PJA2: variants seen among roughly 807,000 people sequenced by gnomAD.
PJA2 encodes the protein E3 ubiquitin-protein ligase Praja-2.
Under a neutral mutation model 69.3 loss-of-function variants are expected in PJA2, and 25 were observed. That is an observed-to-expected ratio of 0.36 (90% CI 0.26 to 0.50). The LOEUF (loss-of-function observed/expected upper bound fraction) is 0.50. Among genes scored for constraint, PJA2 ranks in the 20% least tolerant of loss-of-function variants. PJA2 has a pLI of 0.96. For missense variants in PJA2, 809 were observed against 830.2 expected, an observed-to-expected ratio of 0.97 and a Z score of 0.31; for synonymous variants, 308 against 277.8, an observed-to-expected ratio of 1.11 and a Z score of -1.08.
Position 109,404,185 on chromosome 5 carries a change from A to G in PJA2, c.-88+5657T>C, listed in dbSNP as rs182332156. 3.3e-5 allele frequency among the ~76,000 whole-genome samples: 5 copies of G among 152,148 alleles called. No individual in the cohort carries two copies. In the East Asian group the frequency reaches 5.8e-4, roughly 18 times the overall value. ...CTTGTCTTAGTCCATTAGGACTCCTATAACAAGCTCCCATAGACTGAAGTG... is the reference window on the plus strand; with the variant it reads ...CTTGTCTTAGTCCATTAGGACTCCTGTAACAAGCTCCCATAGACTGAAGTG... On this transcript the variant is annotated intron_variant, in intron 1 of 9. Coordinates refer to ENST00000361189, the MANE Select transcript of PJA2 (RefSeq NM_014819.5).
chr5:109,375,618 A>C (rs1471229070), intron 4 of PJA2, among the ~76,000 whole-genome samples: 3 of 152,220 alleles, frequency 2.0e-5, no homozygotes, highest in Non-Finnish European at 2.9e-5. Flanking sequence ...AAACTTTTCA[A>C]GTATATCAAC....
intron 1 of PJA2, among the ~76,000 whole-genome samples, chr5:109,406,570 G>A (rs1160875922): frequency 6.6e-6 from 1 of 152,072 alleles, no homozygotes; most frequent in Non-Finnish European, 1.5e-5. Flanking sequence ...ATACACTGCT[G>A]ATGGATATGT....
chr5:109,409,889 C>G lies in PJA2; in HGVS notation c.-135G>C, dbSNP rs1582638699. 5.8e-6 allele frequency: 1 copy of G among 172,646 alleles called. No homozygotes were observed. Among genetic ancestry groups the G allele is most frequent in the African/African-American group, 2.4e-5 (1 of 41,486 alleles). The allele number at this position is 172,646 out of a possible 1,614,324, so 10.7% of individuals were successfully genotyped here. On this transcript the variant is annotated 5_prime_UTR_variant, in exon 1 of 10. Transcript: ENST00000361189. ...GCGAGAACAGCGCTCGAACCTCCAC[C>G]CGCCACCACCGCCTTCTTCTCCGCC...
chr5:109,356,044 T>A lies in PJA2; in HGVS notation c.1653-18A>T, dbSNP rs766756197. The stretch of plus-strand genomic sequence containing the variant: ...CAAATAGGCTGAAAAAAAAAAAAAA[T>A]AACAGAAAAAACTCACCACTATGAT... On this transcript the variant is annotated intron_variant, in intron 6 of 9. Coordinates refer to ENST00000361189, the MANE Select transcript of PJA2 (RefSeq NM_014819.5). 1.3e-4 allele frequency: 193 copies of A among 1,486,704 alleles called. No homozygotes were observed. Among genetic ancestry groups the A allele is most frequent in the Middle Eastern group, 3.4e-4 (2 of 5,804 alleles). The allele number at this position is 1,486,704 out of a possible 1,614,324, so 92.1% of individuals were successfully genotyped here. A position where few individuals can be genotyped will look rare whatever the true frequency, so the allele number is the denominator to read the frequency against.
Position 109,354,154 on chromosome 5 carries a change from TATG to T in PJA2, c.1764+1758_1764+1760del, listed in dbSNP as rs374687586. Among the ~76,000 whole-genome samples, 132 of 53,358 alleles carry T rather than the reference TATG, an allele frequency of 2.5e-3. 7 individuals carry two copies. The highest frequency in any genetic ancestry group is 6.3e-3 in the South Asian group (7 of 1,112). 35.0% of individuals were successfully genotyped at this position (53,358 alleles called of 152,430 possible). ...TAGAGCTGTCTATAGATTAGATATC[TATG>T]ATATCTAGAGATGTCTATAGATTAG... On this transcript the variant is annotated intron_variant, in intron 7 of 9. Transcript: ENST00000361189.
At chr5:109,406,348 GTTGT>G (rs1411775622) in intron 1 of PJA2, among the ~76,000 whole-genome samples, 3 of 152,220 alleles carry the variant, frequency 2.0e-5, no homozygotes, top group South Asian at 4.1e-4. Context: ...CCCACCCATT[GTTGT>G]TTGTTTGTTT....
intron 1 of PJA2, among the ~76,000 whole-genome samples, chr5:109,393,093 T>C (rs1009933813): frequency 3.9e-5 from 6 of 152,136 alleles, no homozygotes; most frequent in Non-Finnish European, 8.8e-5. Flanking sequence ...GTACATTACA[T>C]ACAAGTATCA....
Position 109,383,550 on chromosome 5 carries a change from A to C in PJA2, c.-87-30T>G, listed in dbSNP as rs1375472213. 1.6e-5 allele frequency: 13 copies of C among 810,628 alleles called. No individual in the cohort carries two copies. In the Admixed American group the frequency reaches 3.2e-4, roughly 20 times the overall value. 50.2% of individuals were successfully genotyped at this position (810,628 alleles called of 1,614,324 possible). On this transcript the variant is annotated intron_variant, in intron 1 of 9. Coordinates refer to ENST00000361189, the MANE Select transcript of PJA2 (RefSeq NM_014819.5). ...AAAGAAACAATGAATTGAACAATAT[A>C]TTAATAAAAGCACAAAAATAGCAAA...
intron 7 of PJA2, among the ~76,000 whole-genome samples, chr5:109,346,939 C>T (rs2126988542): frequency 6.6e-6 from 1 of 152,314 alleles, no homozygotes; most frequent in African/African-American, 2.4e-5. Context: ...TTAGCTAACA[C>T]TCTATTCTTC....
intron 1 of PJA2, among the ~76,000 whole-genome samples, chr5:109,405,332 A>C (rs1028584684): frequency 7.2e-5 from 11 of 152,246 alleles, no homozygotes; most frequent in Non-Finnish European, 1.6e-4. Flanking sequence ...GGAAGACTCA[A>C]GATGTCGATT....
intron 1 of PJA2, among the ~76,000 whole-genome samples, chr5:109,397,453 C>G (rs1747438924): frequency 6.6e-6 from 1 of 151,534 alleles, no homozygotes; most frequent in Admixed American, 6.6e-5. Flanking sequence ...TGACTGCCAA[C>G]AAGGGAAATG....
chr5:109,370,999 TATGGATTGGCAA>T (rs1472476881), intron 4 of PJA2, among the ~76,000 whole-genome samples: 1 of 152,216 alleles, frequency 6.6e-6, no homozygotes, highest in East Asian at 1.9e-4. Context: ...AAGCCTATGT[TATGGATTGGCAA>T]ACTACTACAG....
intron 4 of PJA2, among the ~76,000 whole-genome samples, chr5:109,375,788 A>G (rs1329493061): frequency 6.6e-6 from 1 of 152,188 alleles, no homozygotes; most frequent in Admixed American, 6.5e-5. Context: ...GGAGATGAAC[A>G]AGGGCAAAAT....
At chr5:109,366,925 A>C (rs1762592571) in intron 5 of PJA2, among the ~76,000 whole-genome samples, 1 of 152,072 alleles carries the variant, frequency 6.6e-6, no homozygotes, top group African/African-American at 2.4e-5. Flanking sequence ...AGAGGTCAGG[A>C]GTTCAAGACC....
intron 5 of PJA2, among the ~76,000 whole-genome samples, chr5:109,365,546 T>G (rs529004890): frequency 6.6e-6 from 1 of 151,808 alleles, no homozygotes; most frequent in East Asian, 1.9e-4. Flanking sequence ...GGTCTTTCCA[T>G]ACTGTCTAAA....
At position 109,378,775 on chromosome 5, in the gene PJA2, A is replaced by C. The variant is rs1746963795; in HGVS notation, c.712T>G (p.Leu238Val). The change falls in exon 4 of 10, where the codon TTA becomes GTA. Residue 238 changes from leucine (L) to valine (V), a missense_variant. Leu to Val is a conservative substitution (Grantham distance 32). Coordinates refer to ENST00000361189, the MANE Select transcript of PJA2 (RefSeq NM_014819.5). The part of the protein sequence containing the change: ...DEFEELDSVP[L>V]VKSSAGDTEF... ...GTATCACCAGCAGAACTTTTCACTA[A>C]TGGTACAGAATCTAACTCTTCAAAC... The C allele has an allele frequency of 1.2e-6, 2 of 1,612,400 alleles. No homozygotes were observed.
chr5:109,345,513 CAAAAAAA>C (rs531364060), intron 7 of PJA2, among the ~76,000 whole-genome samples: 1 of 91,818 alleles, frequency 1.1e-5, no homozygotes, highest in Non-Finnish European at 2.1e-5. Context: ...GACTCTGTCT[CAAAAAAA>C]AAAAAAAAAA....
intron 7 of PJA2, among the ~76,000 whole-genome samples, chr5:109,350,324 C>A (rs767020197): frequency 2.1e-4 from 31 of 151,198 alleles, no homozygotes; most frequent in Non-Finnish European, 3.7e-4. Context: ...TTAGGCAGTA[C>A]AATGTATTTA....
intron 1 of PJA2, among the ~76,000 whole-genome samples, chr5:109,385,432 G>C (rs993547923): frequency 1.6e-4 from 24 of 152,170 alleles, no homozygotes; most frequent in Non-Finnish European, 1.2e-4. Flanking sequence ...TACAGGCTGG[G>C]CAATGGGAAA....
Sources: allele counts gnomAD v4.1 joint callset (sites outside exome capture counted in the v4.1 genomes callset), GRCh38; gene constraint gnomAD v4.1.1; transcripts MANE v1.5; gene names NCBI Gene and HGNC (gene_info 2026-07-23, HGNC 2026-07-21).